Variants in CLSPN observed in about 807,000 individuals in gnomAD.
The protein encoded by CLSPN is claspin, also known as claspin homolog.
CLSPN carries 85 observed loss-of-function variants against 156.3 expected under a neutral mutation model. That is an observed-to-expected ratio of 0.54 (90% CI 0.46 to 0.65). CLSPN has a LOEUF of 0.65. Ranked by LOEUF, CLSPN falls within the 30% of genes least tolerant of loss-of-function variation. The probability of loss-of-function intolerance (pLI) is 0.00; values close to 1 mark genes in which losing one functional copy is unlikely to be tolerated. For synonymous variants in CLSPN, 534 were observed against 542.4 expected, an observed-to-expected ratio of 0.98 and a Z score of 0.22; for missense variants, 1,407 against 1,554.9, an observed-to-expected ratio of 0.90 and a Z score of 1.60.
chr1:35,751,484 T>C lies in CLSPN; in HGVS notation c.1794A>G (p.Lys598=). The C allele has an allele frequency of 6.2e-7, 1 of 1,613,848 alleles. No individual in the cohort carries two copies. Among genetic ancestry groups the C allele is most frequent in the Non-Finnish European group, 8.5e-7 (1 of 1,179,938 alleles). The stretch of plus-strand genomic sequence containing the variant: ...GTTTCATTGCTTCTTGCAGTTTAGC[T>C]TTTAACACCTGAAGCTTTTCACCTG... ...TKPGEKLQVL[K]AKLQEAMKLR... The change falls in exon 10 of 25, where the codon AAA becomes AAG. Residue 598 remains lysine, a synonymous_variant. Transcript: ENST00000318121.
chr1:35,762,680 T>C (rs1000950843), intron 4 of CLSPN, among the ~76,000 whole-genome samples, 199 bp from the exon 5 acceptor site: 2 of 152,146 alleles, frequency 1.3e-5, no homozygotes, highest in Admixed American at 6.5e-5. Flanking sequence ...GACCCTTATT[T>C]CTTTTACCTC....
At chr1:35,730,791 C>A (rs1156523031), downstream of CLSPN, among the ~76,000 whole-genome samples, 2 of 151,752 alleles carry the variant, frequency 1.3e-5, no homozygotes, top group African/African-American at 4.8e-5. Context: ...ACGGGGGAGA[C>A]AAAGGTTGCA....
chr1:35,736,257 C>A lies in CLSPN; in HGVS notation c.*239G>T. The A allele has an allele frequency of 8.9e-7, 1 of 1,129,636 alleles. No individual in the cohort carries two copies. The allele number at this position is 1,129,636 out of a possible 1,614,324, so 70.0% of individuals were successfully genotyped here. A position where few individuals can be genotyped will look rare whatever the true frequency, so the allele number is the denominator to read the frequency against. ...AAAAGGAAACCTCACCCAAGTATTCCATGAGTTGTTGATGTTGTAAATACT... is the reference window on the plus strand; with the variant it reads ...AAAAGGAAACCTCACCCAAGTATTCAATGAGTTGTTGATGTTGTAAATACT... On this transcript the variant is annotated 3_prime_UTR_variant, in exon 25 of 25. Transcript: ENST00000318121.
At chr1:35,758,801 CTTTTT>C (rs34271691) in intron 8 of CLSPN, among the ~76,000 whole-genome samples, 5 of 138,308 alleles carry the variant, frequency 3.6e-5, no homozygotes, top group Admixed American at 1.5e-4. Context: ...TTTTCTTTTT[CTTTTT>C]TTTTTTTTTT....
intron 8 of CLSPN, 28 bp from the exon 9 acceptor site, chr1:35,753,964 A>G: frequency 6.2e-7 from 1 of 1,606,756 alleles, no homozygotes; most frequent in Non-Finnish European, 8.5e-7. Flanking sequence ...CCAGTGTGTC[A>G]GTTTGCCATG....
chr1:35,739,047 C>T, intron 20 of CLSPN, 89 bp downstream of exon 20: 6 of 1,476,188 alleles, frequency 4.1e-6, no homozygotes, highest in Non-Finnish European at 5.6e-6. Context: ...GATCCACCTG[C>T]CTCTGCCTCC....
At chr1:35,737,569 A>G in intron 22 of CLSPN, 148 bp from the exon 23 acceptor site, 1 of 597,438 alleles carries the variant, frequency 1.7e-6, no homozygotes, top group South Asian at 2.4e-5. Context: ...TCAAACTATA[A>G]TAATTGGCTC....
intron 12 of CLSPN, among the ~76,000 whole-genome samples, chr1:35,749,216 C>T (rs1443403455): frequency 6.6e-6 from 1 of 152,152 alleles, no homozygotes; most frequent in Non-Finnish European, 1.5e-5. Flanking sequence ...GATCTACATA[C>T]AGAAACATTT....
At position 35,743,136 on chromosome 1, in the gene CLSPN, C is replaced by G. The variant is rs542532839; in HGVS notation, c.3143+5G>C. 7 of 1,605,798 alleles carry G rather than the reference C, an allele frequency of 4.4e-6. No individual in the cohort carries two copies. Among genetic ancestry groups the G allele is most frequent in the Non-Finnish European group, 6.0e-6 (7 of 1,172,684 alleles). On this transcript the variant is annotated splice_donor_5th_base_variant and intron_variant, in intron 18 of 24. Coordinates refer to ENST00000318121, the MANE Select transcript of CLSPN (RefSeq NM_022111.4). ...TGAAGGAATGGACATATTAATAACACGTACATTTGCCTTTTCAACTTCTCA... is the reference window on the plus strand; with the variant it reads ...TGAAGGAATGGACATATTAATAACAGGTACATTTGCCTTTTCAACTTCTCA...
chr1:35,748,910 C>T (rs1336275204), intron 12 of CLSPN: 1 of 370,854 alleles, frequency 2.7e-6, no homozygotes, highest in Non-Finnish European at 5.1e-6. Context: ...ACTGCAACCT[C>T]CGCCTCCCAG....
intron 2 of CLSPN, 138 bp downstream of exon 2, chr1:35,765,080 T>C: frequency 1.6e-6 from 1 of 617,544 alleles, no homozygotes; most frequent in South Asian, 2.1e-5. Flanking sequence ...CACTGTTATT[T>C]TGCTTTTATA....
chr1:35,747,238 C>T (rs1007307494), intron 14 of CLSPN, among the ~76,000 whole-genome samples: 9 of 151,820 alleles, frequency 5.9e-5, no homozygotes, highest in Non-Finnish European at 1.2e-4. Context: ...AGGAGAAGGG[C>T]GTGAACCCAG....
At chr1:35,751,216 G>T in intron 10 of CLSPN, 34 bp downstream of exon 10, 1 of 1,587,764 alleles carries the variant, frequency 6.3e-7, no homozygotes, top group Non-Finnish European at 8.5e-7. Context: ...TATTCACCAT[G>T]ACAAGGTAAC....
chr1:35,728,153 G>A (rs748420635), downstream of CLSPN, among the ~76,000 whole-genome samples: 1 of 139,410 alleles, frequency 7.2e-6, no homozygotes, highest in Non-Finnish European at 1.5e-5. Flanking sequence ...CTGCAGTTTT[G>A]GCTCATTGCA....
chr1:35,751,276 C>T lies in CLSPN; in HGVS notation c.2002G>A (p.Glu668Lys), dbSNP rs1446011715. The change falls in exon 10 of 25, where the codon GAG becomes AAG. Residue 668 changes from glutamate to lysine, a missense_variant. Around this residue, in one of 3 missense-constraint regions of CLSPN, gnomAD observed 1,096 missense variants for 1,193.0 expected, o/e 0.92. Transcript: ENST00000318121. ...ELEEEEEKEE[E>K]EEEEGNQETA... ...TCCTGATTTCCTTCTTCTTCCTCCTCCTCTTCTTTCTCCTCCTCTTCCTCT... is the reference window on the plus strand; with the variant it reads ...TCCTGATTTCCTTCTTCTTCCTCCTTCTCTTCTTTCTCCTCCTCTTCCTCT... The T allele has an allele frequency of 1.3e-6, 2 of 1,595,110 alleles. No individual in the cohort carries two copies. Among genetic ancestry groups the T allele is most frequent in the Non-Finnish European group, 1.7e-6 (2 of 1,174,702 alleles).
At chr1:35,745,629 C>T (rs1641854048) in intron 15 of CLSPN, 67 bp from the exon 16 acceptor site, 2 of 1,145,984 alleles carry the variant, frequency 1.7e-6, no homozygotes, top group South Asian at 2.5e-5. Flanking sequence ...TCCCAGCCAT[C>T]TAAAGTCATG....
At chr1:35,756,533 G>T (rs1257561631) in intron 8 of CLSPN, among the ~76,000 whole-genome samples, 3 of 151,996 alleles carry the variant, frequency 2.0e-5, no homozygotes, top group Non-Finnish European at 4.4e-5. Flanking sequence ...ATCTCTATTA[G>T]TCCATCACCT....
chr1:35,754,066 C>G, intron 8 of CLSPN, 130 bp from the exon 9 acceptor site: 1 of 688,534 alleles, frequency 1.5e-6, no homozygotes, highest in Non-Finnish European at 2.3e-6. Flanking sequence ...AAACCAAAAA[C>G]CCCTTGCTAC....
intron 10 of CLSPN, 102 bp downstream of exon 10, chr1:35,751,148 C>T (rs1280407477): frequency 2.0e-6 from 3 of 1,468,186 alleles, no homozygotes; most frequent in Non-Finnish European, 2.7e-6. Flanking sequence ...CCCCTAAAAC[C>T]TCTTATACAA....
Sources: gnomAD v4.1 joint callset for allele counts (sites outside exome capture counted in the v4.1 genomes callset) on GRCh38, gnomAD v4.1.1 for gene constraint, gnomAD v4.1.1 regional missense constraint, MANE v1.5 for transcripts, NCBI Gene and HGNC (gene_info 2026-07-23, HGNC 2026-07-21) for gene names.